Variants in EIF3A observed in about 807,000 individuals in gnomAD.
EIF3A encodes the protein EIF3, p180 subunit.
Under a neutral mutation model 186.6 loss-of-function variants are expected in EIF3A, and 21 were observed. That is an observed-to-expected ratio of 0.11 (90% CI 0.08 to 0.16). EIF3A has a LOEUF of 0.16. EIF3A is among the 10% of genes least tolerant of loss of function. EIF3A has a pLI of 1.00. For synonymous variants in EIF3A, 563 were observed against 584.3 expected (o/e 0.96, Z 0.52); for missense variants, 1,306 against 1,796.3 (o/e 0.73, Z 4.93).
chr10:119,065,176 C>T (rs1227696295), intron 7 of EIF3A, among the ~76,000 whole-genome samples: 2 of 152,194 alleles, frequency 1.3e-5, no homozygotes, highest in African/African-American at 4.8e-5. Flanking sequence ...TCCCCAGAGC[C>T]AACCCAAGTC....
chr10:119,037,382 C>T, intron 20 of EIF3A, 73 bp from the exon 21 acceptor site: 2 of 1,326,010 alleles, frequency 1.5e-6, no homozygotes, highest in Non-Finnish European at 2.1e-6. Flanking sequence ...ACATCCAGTC[C>T]AAGCTGGGGC....
chr10:119,077,366 G>C (rs193263103), intron 1 of EIF3A, among the ~76,000 whole-genome samples: 1 of 151,256 alleles, frequency 6.6e-6, no homozygotes, highest in East Asian at 2.0e-4. Context: ...CAGGAGAATC[G>C]CTTGAGCCTG....
chr10:119,060,028 T>G (rs370561281), intron 9 of EIF3A: 11 of 517,742 alleles, frequency 2.1e-5, no homozygotes, highest in African/African-American at 3.9e-5. Context: ...TGAAGGAGAC[T>G]GGCAGCATTA....
At chr10:119,077,889 T>C (rs992516302) in intron 1 of EIF3A, among the ~76,000 whole-genome samples, 1 of 152,134 alleles carries the variant, frequency 6.6e-6, no homozygotes, top group Non-Finnish European at 1.5e-5. Context: ...GGGGAAGCTT[T>C]TGAGACTGGA....
chr10:119,048,726 C>A (rs1848315959), intron 17 of EIF3A, among the ~76,000 whole-genome samples: 2 of 151,600 alleles, frequency 1.3e-5, no homozygotes, highest in African/African-American at 4.9e-5. Context: ...GGCTTGAGTG[C>A]AGTGGCGCGA....
Position 119,073,447 on chromosome 10 carries a change from G to A in EIF3A, c.371C>T (p.Pro124Leu), listed in dbSNP as rs1299009750. The change falls in exon 3 of 22, where the codon CCT becomes CTT. Residue 124 changes from proline to leucine, a missense_variant. Physicochemically the swap from Pro to Leu is moderately conservative, Grantham distance 98 (BLOSUM62 -3). This residue lies in a region of EIF3A where 130 missense variants were observed against 259.3 expected (regional missense o/e 0.50). Transcript: ENST00000369144. Reference sequence around the variant, plus strand: ...AGAGGTCTAACCCACATACCTCTCAGGAGTTTGAATATTATCTAGATCCTC... The same window carrying A: ...AGAGGTCTAACCCACATACCTCTCAAGAGTTTGAATATTATCTAGATCCTC... ...DIEDLDNIQT[P>L]ESVLLSAVSG... is the part of the protein sequence containing the mutation. The A allele has an allele frequency of 1.2e-6, 2 of 1,604,588 alleles. No homozygotes were observed. The highest frequency in any genetic ancestry group is 1.7e-6 in the Non-Finnish European group (2 of 1,173,142).
chr10:119,071,957 G>A (rs972402009), intron 4 of EIF3A, among the ~76,000 whole-genome samples: 11 of 147,950 alleles, frequency 7.4e-5, no homozygotes, highest in Non-Finnish European at 1.5e-5. Context: ...CCTGGGAGGC[G>A]GAGCTTGTAG....
Position 119,044,743 on chromosome 10 carries a change from G to A in EIF3A, c.2659-601C>T, listed in dbSNP as rs11198745. ...GGCGCCTGTAGTCCCAGCTACTTGG[G>A]AGGCTGAGGCAGGAGAATCGCTTGA... On this transcript the variant is annotated intron_variant, in intron 17 of 21. Transcript: ENST00000369144. 8.9e-4 allele frequency among the ~76,000 whole-genome samples: 135 copies of A among 152,204 alleles called. No individual in the cohort carries two copies. In the East Asian group the frequency reaches 0.026, roughly 29 times the overall value.
At chr10:119,074,666 G>A (rs1336071710) in intron 1 of EIF3A, among the ~76,000 whole-genome samples, 4 of 150,990 alleles carry the variant, frequency 2.6e-5, no homozygotes, top group Admixed American at 2.6e-4. Context: ...GGGAGCGGTG[G>A]CTTATGCCTG....
In EIF3A at chr10:119,080,764, T is replaced by C; in HGVS notation, c.-88A>G. 10 of 1,502,426 alleles carry C rather than the reference T, an allele frequency of 6.7e-6. No individual in the cohort carries two copies. The highest frequency in any genetic ancestry group is 8.9e-6 in the Non-Finnish European group (10 of 1,123,504). The allele number at this position is 1,502,426 out of a possible 1,614,324, so 93.1% of individuals were successfully genotyped here. On this transcript the variant is annotated 5_prime_UTR_variant, in exon 1 of 22. Transcript: ENST00000369144. ...GAGACGAAGGGGAACCAGCGTAAGGTCCCACGCGCCTCGCCAGCAGTCGCC... is the reference window on the plus strand; with the variant it reads ...GAGACGAAGGGGAACCAGCGTAAGGCCCCACGCGCCTCGCCAGCAGTCGCC...
chr10:119,038,455 A>C lies in EIF3A; in HGVS notation c.3527-16T>G. The C allele has an allele frequency of 6.3e-7, 1 of 1,581,474 alleles. No homozygotes were observed. Among genetic ancestry groups the C allele is most frequent in the Non-Finnish European group, 8.6e-7 (1 of 1,166,260 alleles). Reference sequence around the variant, plus strand: ...CTCCATCCACCTGTTTTTTTGAAAAAGCAAAACATTTTTAAAATATTTTTA... The same window carrying C: ...CTCCATCCACCTGTTTTTTTGAAAACGCAAAACATTTTTAAAATATTTTTA... On this transcript the variant is annotated splice_polypyrimidine_tract_variant and intron_variant, in intron 19 of 21. Coordinates refer to ENST00000369144, the MANE Select transcript of EIF3A (RefSeq NM_003750.4).
Position 119,075,640 on chromosome 10 carries a change from C to CTATA in EIF3A, c.50-1707_50-1704dup, listed in dbSNP as rs1359366760. Among the ~76,000 whole-genome samples, 109 of 44,732 alleles carry CTATA rather than the reference C, an allele frequency of 2.4e-3. 1 individual carries two copies. Among genetic ancestry groups the CTATA allele is most frequent in the Admixed American group, 0.023 (62 of 2,690 alleles). The allele number at this position is 44,732 out of a possible 152,430, so 29.3% of individuals were successfully genotyped here. On this transcript the variant is annotated intron_variant, in intron 1 of 21. Transcript: ENST00000369144. ...AAAAAAAGGGGGGGAGCTTAAAACACTATATATATACATATATATATATAT... is the reference window on the plus strand; with the variant it reads ...AAAAAAAGGGGGGGAGCTTAAAACACTATATATATATATACATATATATATATAT...
intron 17 of EIF3A, among the ~76,000 whole-genome samples, chr10:119,048,859 C>T (rs1848317179): frequency 6.6e-6 from 1 of 151,934 alleles, no homozygotes; most frequent in African/African-American, 2.4e-5. Flanking sequence ...TTAGTAGAGA[C>T]AGGGTATCAC....
rs544546288 is a variant in EIF3A, at chr10:119,042,230, C to A, written c.3290G>T (p.Arg1097Leu). Residue 1097 changes from arginine (R) to leucine (L), a missense_variant, in exon 19 of 22, where the codon CGG (arginine) becomes CTG (leucine). Around this residue, in one of 8 missense-constraint regions of EIF3A, gnomAD observed 27 missense variants for 64.8 expected, o/e 0.42. Transcript: ENST00000369144. The surrounding 1 kb of genome is among the most constrained non-coding windows in gnomAD (Gnocchi z 7.8). ...ATCATCCATGCCTCGCCTGGGACCC[C>A]GGTCATCATCCATGCCTCGCCTGGG... ...RGPRRGMDDD[R>L]GPRRGMDDDR... The A allele has an allele frequency of 7.6e-5, 123 of 1,613,340 alleles. No homozygotes were observed. Among genetic ancestry groups the A allele is most frequent in the South Asian group, 2.1e-4 (19 of 90,996 alleles).
intron 1 of EIF3A, chr10:119,080,345 G>T (rs371336081): frequency 1.0e-6 from 1 of 985,340 alleles, no homozygotes; most frequent in African/African-American, 1.7e-5. Flanking sequence ...GTCCGGGTAG[G>T]GGCTGTCTCC....
intron 17 of EIF3A, among the ~76,000 whole-genome samples, chr10:119,045,913 T>C (rs1848277345): frequency 2.0e-5 from 3 of 152,112 alleles, no homozygotes; most frequent in Admixed American, 2.0e-4. Flanking sequence ...GCAAACAAAC[T>C]GAACCACGAT....
Position 119,042,038 on chromosome 10 carries a change from C to A in EIF3A, c.3482G>T (p.Gly1161Val), listed in dbSNP as rs1454706308. 5.6e-6 allele frequency: 9 copies of A among 1,614,084 alleles called. No individual in the cohort carries two copies. Among genetic ancestry groups the A allele is most frequent in the Non-Finnish European group, 7.6e-6 (9 of 1,180,044 alleles). Residue 1161 changes from glycine to valine, a missense_variant, in exon 19 of 22, where the codon GGT (glycine) becomes GTT (valine). Around this residue, in one of 8 missense-constraint regions of EIF3A, gnomAD observed 331 missense variants for 365.8 expected, o/e 0.90. Coordinates refer to ENST00000369144, the MANE Select transcript of EIF3A (RefSeq NM_003750.4). This position sits in a 1 kb window ranked among gnomAD's most constrained non-coding sequence, Gnocchi z 7.8. ...RADDDRFPRRGDDSRPGPWRP... is the reference protein window; with the variant it reads ...RADDDRFPRRVDDSRPGPWRP... ...CCAAGGACCAGGTCTTGAGTCATCA[C>A]CCCGTCTGGGAAACCGATCATCATC...
In EIF3A at chr10:119,073,887, C is replaced by T; in HGVS notation, c.100G>A (p.Val34Ile). The change falls in exon 2 of 22, where the codon GTT becomes ATT. Residue 34 changes from valine to isoleucine, a missense_variant. By Grantham distance (29) the Val-to-Ile change is conservative (BLOSUM62 3). Coordinates refer to ENST00000369144, the MANE Select transcript of EIF3A (RefSeq NM_003750.4). ...KQPALDVLYD[V>I]MKSKKHRTWQ... ...GTTCTATGTTTTTTACTTTTCATAA[C>T]ATCATAAAGAACATCCAGAGCAGGC... 6.2e-7 allele frequency: 1 copy of T among 1,609,840 alleles called. No homozygotes were observed. The highest frequency in any genetic ancestry group is 8.5e-7 in the Non-Finnish European group (1 of 1,178,888).
chr10:119,050,880 A>G (rs1848347769), intron 15 of EIF3A, among the ~76,000 whole-genome samples: 1 of 152,098 alleles, frequency 6.6e-6, no homozygotes, highest in Admixed American at 6.6e-5. Flanking sequence ...GATATTACCT[A>G]CCTCCAGTGG....
Sources: allele counts gnomAD v4.1 joint callset (sites outside exome capture counted in the v4.1 genomes callset), GRCh38; gene constraint gnomAD v4.1.1; regional missense constraint gnomAD v4.1.1; non-coding constraint Gnocchi (gnomAD v3.1); transcripts MANE v1.5; gene names NCBI Gene and HGNC (gene_info 2026-07-23, HGNC 2026-07-21).